EFCAB6: variants seen among roughly 807,000 people sequenced by gnomAD.
EFCAB6 encodes the protein EF-hand calcium-binding domain-containing protein 6.
A neutral mutation model predicts 169.8 loss-of-function variants in EFCAB6; 156 were observed. The ratio of observed to expected loss-of-function variants is 0.92; its 90% CI spans 0.81 to 1.05. EFCAB6 has a LOEUF of 1.05. Among genes scored for constraint, EFCAB6 ranks in the 50% least tolerant of loss-of-function variants. The pLI, the probability that EFCAB6 is intolerant of heterozygous loss-of-function variation, is 0.00. For missense variants in EFCAB6, 1,800 were observed against 1,829.1 expected, an observed-to-expected ratio of 0.98 and a Z score of 0.29; for synonymous variants, 698 against 676.4, an observed-to-expected ratio of 1.03 and a Z score of -0.50.
At chr22:43,614,190 A>AAAAAAAAAAAAAAAAAAAC (rs2053528156) in intron 21 of EFCAB6, among the ~76,000 whole-genome samples, 1 of 150,648 alleles carries the variant, frequency 6.6e-6, no homozygotes, top group Non-Finnish European at 1.5e-5. Context: ...AAAAAAAAAA[A>AAAAAAAAAAAAAAAAAAAC]AAAGAACAAA....
intron 27 of EFCAB6, chr22:43,552,582 T>C (rs1053985172): frequency 2.6e-5 from 4 of 152,226 alleles, no homozygotes; most frequent in Non-Finnish European, 5.9e-5. Context: ...TTTTTTCATA[T>C]GTTTGTTGGC....
intron 1 of EFCAB6, among the ~76,000 whole-genome samples, chr22:43,811,031 T>C (rs2063095935): frequency 6.6e-6 from 1 of 152,060 alleles, no homozygotes; most frequent in South Asian, 2.1e-4. Context: ...GAACACATAT[T>C]AAATTAGGCC....
At chr22:43,592,465 G>A (rs2051626315) in intron 23 of EFCAB6, among the ~76,000 whole-genome samples, 1 of 152,148 alleles carries the variant, frequency 6.6e-6, no homozygotes, top group African/African-American at 2.4e-5. Flanking sequence ...ACATTTTTTT[G>A]AGATACATAT....
intron 15 of EFCAB6, among the ~76,000 whole-genome samples, chr22:43,671,256 C>T (rs1204624309): frequency 3.3e-5 from 5 of 152,042 alleles, no homozygotes; most frequent in Admixed American, 2.0e-4. Context: ...GGCTGGAGTG[C>T]GATGGGGCAA....
intron 31 of EFCAB6, 122 bp from the exon 32 acceptor site, chr22:43,529,097 C>A: frequency 2.5e-6 from 3 of 1,184,952 alleles, no homozygotes; most frequent in Non-Finnish European, 3.5e-6. Context: ...CCGATGTCAG[C>A]CTCCCATCTG....
At chr22:43,639,868 G>A (rs1602844452) in intron 17 of EFCAB6, among the ~76,000 whole-genome samples, 1 of 151,772 alleles carries the variant, frequency 6.6e-6, no homozygotes, top group Non-Finnish European at 1.5e-5. Context: ...TCTTCAGTTT[G>A]TATAACTATT....
chr22:43,580,825 G>A (rs1252976685), intron 24 of EFCAB6, among the ~76,000 whole-genome samples, 166 bp from the exon 25 acceptor site: 1 of 152,198 alleles, frequency 6.6e-6, no homozygotes, highest in Non-Finnish European at 1.5e-5. Flanking sequence ...TCTGCTCTCA[G>A]GTAGACACAC....
chr22:43,678,289 T>C, intron 12 of EFCAB6, 126 bp from the exon 13 acceptor site: 1 of 840,228 alleles, frequency 1.2e-6, no homozygotes. Flanking sequence ...TGATTGGAAA[T>C]GCAAATACAT....
intron 2 of EFCAB6, among the ~76,000 whole-genome samples, chr22:43,806,320 G>A (rs1418073835): frequency 1.3e-5 from 2 of 151,618 alleles, no homozygotes; most frequent in Non-Finnish European, 2.9e-5. Flanking sequence ...TGCAATCTTG[G>A]CTCACTGCAG....
intron 23 of EFCAB6, among the ~76,000 whole-genome samples, chr22:43,598,311 G>GA (rs57712759): frequency 3.5e-5 from 4 of 112,872 alleles, no homozygotes; most frequent in African/African-American, 1.4e-4. Context: ...CTGTCTCCGG[G>GA]AAAAAAAAAA....
chr22:43,608,874 G>A (rs544292111), intron 21 of EFCAB6, among the ~76,000 whole-genome samples: 7 of 152,248 alleles, frequency 4.6e-5, no homozygotes, highest in East Asian at 1.9e-4. Context: ...AACAACTTGG[G>A]TTCAAAAATG....
At position 43,772,908 on chromosome 22, in the gene EFCAB6, T is replaced by G; in HGVS notation, c.335A>C (p.Gln112Pro). The G allele has an allele frequency of 6.2e-7, 1 of 1,614,244 alleles. No homozygotes were observed. The highest frequency in any genetic ancestry group is 8.5e-7 in the Non-Finnish European group (1 of 1,180,038). Residue 112 changes from glutamine to proline, a missense_variant, in exon 4 of 32, where the codon CAG (glutamine) becomes CCG (proline). Transcript: ENST00000262726. ...ATACAGCACCTGAGCCAACACGTCC[T>G]GAAACTGTTCTCGTGTGAGCGGCAT... ...FLMPLTREQF[Q>P]DVLAQIPLST...
chr22:43,735,735 GGT>G (rs201949853), intron 7 of EFCAB6, 120 bp downstream of exon 7: 671 of 1,127,388 alleles, frequency 6.0e-4, no homozygotes, highest in Non-Finnish European at 6.7e-4. Context: ...TGAGAAATAA[GGT>G]GTGTGTGTGT....
chr22:43,604,075 C>T (rs147704806), intron 22 of EFCAB6, among the ~76,000 whole-genome samples: 178 of 152,076 alleles, frequency 1.2e-3, no homozygotes, highest in African/African-American at 4.0e-3. Context: ...TTTTTCCTTC[C>T]ACCATGATTG....
chr22:43,699,468 C>T (rs1189432008), intron 10 of EFCAB6, among the ~76,000 whole-genome samples: 1 of 152,162 alleles, frequency 6.6e-6, no homozygotes, highest in Admixed American at 6.5e-5. Context: ...CAACTACTGG[C>T]CTTACTTGAA....
intron 26 of EFCAB6, among the ~76,000 whole-genome samples, chr22:43,558,592 G>A (rs1048679928): frequency 1.3e-5 from 2 of 152,262 alleles, no homozygotes; most frequent in African/African-American, 4.8e-5. Context: ...AATTGATGTG[G>A]CAAACTTCAA....
intron 7 of EFCAB6, 51 bp downstream of exon 7, chr22:43,735,806 T>G: frequency 6.3e-7 from 1 of 1,597,048 alleles, no homozygotes; most frequent in Non-Finnish European, 8.5e-7. Context: ...CATTCTGAAA[T>G]TGGTTAAAAG....
At chr22:43,783,801 T>G (rs536625010) in intron 2 of EFCAB6, among the ~76,000 whole-genome samples, 2 of 152,342 alleles carry the variant, frequency 1.3e-5, no homozygotes, top group East Asian at 3.9e-4. Context: ...CTCATCTCTG[T>G]AATCCCAGCA....
At chr22:43,538,759 C>G (rs1311117311) in intron 28 of EFCAB6, among the ~76,000 whole-genome samples, 1 of 152,198 alleles carries the variant, frequency 6.6e-6, no homozygotes, top group South Asian at 2.1e-4. Flanking sequence ...GCTCCATACC[C>G]CTTGAGTGAA....
Sources: gnomAD v4.1 joint callset for allele counts (sites outside exome capture counted in the v4.1 genomes callset) on GRCh38, gnomAD v4.1.1 for gene constraint, MANE v1.5 for transcripts, NCBI Gene and HGNC (gene_info 2026-07-23, HGNC 2026-07-21) for gene names.